The following ZDHHC20 variants were observed in gnomAD, a reference collection of about 807,000 sequenced individuals.
The protein encoded by ZDHHC20 is palmitoyltransferase ZDHHC20.
In ZDHHC20, 43 loss-of-function variants were observed where a neutral mutation model predicts 57.8. That is an observed-to-expected ratio of 0.74 (90% CI 0.58 to 0.96). The LOEUF (loss-of-function observed/expected upper bound fraction) is 0.96. ZDHHC20 is among the 40% of genes least tolerant of loss of function. ZDHHC20 has a pLI of 0.00. For synonymous variants in ZDHHC20, 157 were observed against 153.0 expected (o/e 1.03, Z -0.19); for missense variants, 391 against 441.1 (o/e 0.89, Z 1.02).
At chr13:21,454,005 C>A (rs1884690721) in intron 1 of ZDHHC20, among the ~76,000 whole-genome samples, 1 of 152,050 alleles carries the variant, frequency 6.6e-6, no homozygotes, top group Admixed American at 6.6e-5. Flanking sequence ...AGCCACCATG[C>A]CCATCTAATT....
At chr13:21,441,669 C>T (rs1026418733) in intron 1 of ZDHHC20, among the ~76,000 whole-genome samples, 2 of 146,214 alleles carry the variant, frequency 1.4e-5, no homozygotes, top group African/African-American at 2.5e-5. Context: ...TCCCAAAGTG[C>T]TGGGATACAG....
intron 3 of ZDHHC20, among the ~76,000 whole-genome samples, chr13:21,416,165 A>G (rs1482514942): frequency 6.7e-6 from 1 of 148,872 alleles, no homozygotes; most frequent in East Asian, 2.0e-4. Context: ...AGGTCACACC[A>G]CTACACTCCA....
At chr13:21,455,211 G>A (rs147015055) in intron 1 of ZDHHC20, among the ~76,000 whole-genome samples, 5,231 of 152,252 alleles carry the variant, frequency 0.034, 277 homozygotes, top group African/African-American at 0.11. Context: ...GAGCCACCAC[G>A]CCTGGCCAAC....
intron 7 of ZDHHC20, among the ~76,000 whole-genome samples, chr13:21,398,869 C>T (rs1341677402): frequency 1.3e-5 from 2 of 152,066 alleles, no homozygotes; most frequent in Non-Finnish European, 2.9e-5. Context: ...CTAGGAACAG[C>T]AATTGTGAAT....
Position 21,378,709 on chromosome 13 carries a change from C to T in ZDHHC20, c.1090G>A (p.Glu364Lys), listed in dbSNP as rs754511864. ...GTNNHVTVAI[E>K]N ...TTATGAACAAGTGGTACTCAATTTT[C>T]TATTGCCACTGTTACATGGTTATTT... is the stretch of plus-strand genomic sequence containing the variant. The change falls in exon 12 of 13, where the codon GAA becomes AAA. Residue 364 changes from glutamate (E) to lysine (K), a missense_variant. Physicochemically the swap from Glu to Lys is moderately conservative, Grantham distance 56. Transcript: ENST00000400590. The T allele has an allele frequency of 6.9e-7, 1 of 1,457,258 alleles. No individual in the cohort carries two copies. The highest frequency in any genetic ancestry group is 9.1e-7 in the Non-Finnish European group (1 of 1,097,258). The allele number at this position is 1,457,258 out of a possible 1,614,324, so 90.3% of individuals were successfully genotyped here. A position where few individuals can be genotyped will look rare whatever the true frequency, so the allele number is the denominator to read the frequency against.
At chr13:21,412,310 TTAAA>T (rs1879324816) in intron 4 of ZDHHC20, among the ~76,000 whole-genome samples, 2 of 152,170 alleles carry the variant, frequency 1.3e-5, no homozygotes, top group Non-Finnish European at 2.9e-5. Context: ...CTGAAAACTA[TTAAA>T]TAAAACAAAT....
chr13:21,393,178 TTTTC>T (rs1313870530), intron 7 of ZDHHC20, among the ~76,000 whole-genome samples: 1 of 140,882 alleles, frequency 7.1e-6, no homozygotes, highest in Non-Finnish European at 1.6e-5. Flanking sequence ...AGCACATTTC[TTTTC>T]TTTTTTCTTT....
In ZDHHC20 at chr13:21,387,539, T is replaced by C; in HGVS notation, c.823A>G (p.Lys275Glu). Residue 275 changes from lysine (K) to glutamate (E), a missense_variant, in exon 9 of 13, where the codon AAG becomes GAG. Lys to Glu is a moderately conservative substitution (Grantham distance 56). This residue lies in a region of ZDHHC20 where 197 missense variants were observed against 220.8 expected (regional missense o/e 0.89). Coordinates refer to ENST00000400590, the MANE Select transcript of ZDHHC20 (RefSeq NM_001330059.2). ...KNWRQVFGDE[K>E]KYWLLPIFSS... is the part of the protein sequence containing the mutation. ...AATATTGGAAGTAGCCAATATTTCTTTTCATCACCAAAGACTTGTCTCCAA... is the reference window on the plus strand; with the variant it reads ...AATATTGGAAGTAGCCAATATTTCTCTTCATCACCAAAGACTTGTCTCCAA... The C allele has an allele frequency of 6.5e-7, 1 of 1,536,968 alleles. No individual in the cohort carries two copies. Among genetic ancestry groups the C allele is most frequent in the Non-Finnish European group, 8.8e-7 (1 of 1,139,514 alleles).
chr13:21,438,454 T>C (rs1882779382), intron 1 of ZDHHC20, among the ~76,000 whole-genome samples: 1 of 152,214 alleles, frequency 6.6e-6, no homozygotes, highest in South Asian at 2.1e-4. Context: ...GCAGATGTGG[T>C]GAAAACAGCA....
chr13:21,408,662 G>A (rs756793166), intron 4 of ZDHHC20, among the ~76,000 whole-genome samples: 1 of 152,176 alleles, frequency 6.6e-6, no homozygotes, highest in Non-Finnish European at 1.5e-5. Flanking sequence ...AATAGGAGTG[G>A]TGAGAGAGGA....
At chr13:21,446,582 AATTTT>A (rs1883726981) in intron 1 of ZDHHC20, among the ~76,000 whole-genome samples, 1 of 152,194 alleles carries the variant, frequency 6.6e-6, no homozygotes. Flanking sequence ...ATTTTTTTTA[AATTTT>A]ATTTTAAAGA....
intron 1 of ZDHHC20, among the ~76,000 whole-genome samples, chr13:21,439,450 C>T (rs865876504): frequency 3.3e-5 from 5 of 151,940 alleles, no homozygotes; most frequent in Admixed American, 6.6e-5. Flanking sequence ...CAGTGAGCCA[C>T]GAACACACCA....
Position 21,385,185 on chromosome 13 carries a change from T to TTGGG in ZDHHC20, c.855-2180_855-2177dup, listed in dbSNP as rs556053484. ...GGTTCATGCCTGTAATAGCAGCACT[T>TTGGG]TGGGAGGATGAGGTGGGCGGATTGC... On this transcript the variant is annotated intron_variant, in intron 9 of 12. Transcript: ENST00000400590. Among the ~76,000 whole-genome samples the TTGGG allele has an allele frequency of 9.9e-5, 15 of 152,172 alleles. No individual in the cohort carries two copies. The South Asian group carries it at 3.1e-3, about 32-fold the overall frequency.
At chr13:21,406,760 A>C (rs1480455995) in intron 4 of ZDHHC20, among the ~76,000 whole-genome samples, 1 of 152,170 alleles carries the variant, frequency 6.6e-6, no homozygotes, top group African/African-American at 2.4e-5. Context: ...TATATATGCC[A>C]CATTTTCTTT....
chr13:21,448,295 AG>A (rs1884019215), intron 1 of ZDHHC20, among the ~76,000 whole-genome samples: 1 of 86,618 alleles, frequency 1.2e-5, no homozygotes, highest in Non-Finnish European at 2.7e-5. Flanking sequence ...CTGCCCGGCC[AG>A]CCGCCCCGTC....
chr13:21,386,697 C>T lies in ZDHHC20; in HGVS notation c.854+811G>A, dbSNP rs911467090. Among the ~76,000 whole-genome samples the T allele has an allele frequency of 1.2e-4, 19 of 152,098 alleles. No individual in the cohort carries two copies. In the East Asian group the frequency reaches 2.9e-3, roughly 23 times the overall value. On this transcript the variant is annotated intron_variant, in intron 9 of 12. Transcript: ENST00000400590. ...CCGAGTAGCTGGGACTACAGGTGTG[C>T]GCCACCACACCCAGTTAATTTTTGT...
At chr13:21,412,699 T>G (rs1161856077) in intron 4 of ZDHHC20, among the ~76,000 whole-genome samples, 1 of 151,734 alleles carries the variant, frequency 6.6e-6, no homozygotes, top group Non-Finnish European at 1.5e-5. Flanking sequence ...CCAGACACGG[T>G]GGCTCACACT....
chr13:21,408,864 G>A (rs1188978351), intron 4 of ZDHHC20, among the ~76,000 whole-genome samples: 2 of 152,184 alleles, frequency 1.3e-5, no homozygotes. Context: ...CATCTATTGA[G>A]ATAATTATGT....
At chr13:21,441,972 G>A (rs915057892) in intron 1 of ZDHHC20, among the ~76,000 whole-genome samples, 1 of 152,094 alleles carries the variant, frequency 6.6e-6, no homozygotes, top group African/African-American at 2.4e-5. Flanking sequence ...GACATAGTAG[G>A]TATCATTATT....
Sources: allele counts gnomAD v4.1 joint callset (sites outside exome capture counted in the v4.1 genomes callset), GRCh38; gene constraint gnomAD v4.1.1; regional missense constraint gnomAD v4.1.1; transcripts MANE v1.5; gene names NCBI Gene and HGNC (gene_info 2026-07-23, HGNC 2026-07-21).